Variants in NRXN1 observed in about 807,000 individuals in gnomAD.
The protein encoded by NRXN1 is neurexin-1.
NRXN1 carries 39 observed loss-of-function variants against 150.9 expected under a neutral mutation model. That is an observed-to-expected ratio of 0.26 (90% CI 0.20 to 0.34). NRXN1 has a LOEUF of 0.34. Among genes scored for constraint, NRXN1 ranks in the 10% least tolerant of loss-of-function variants. The pLI, the probability that NRXN1 is intolerant of heterozygous loss-of-function variation, is 1.00. For synonymous variants in NRXN1, 924 were observed against 757.0 expected (o/e 1.22, Z -3.62); for missense variants, 1,815 against 1,949.9 (o/e 0.93, Z 1.30).
At chr2:50,581,564 A>C (rs757211228) in intron 8 of NRXN1, among the ~76,000 whole-genome samples, 6 of 152,232 alleles carry the variant, frequency 3.9e-5, no homozygotes, top group Non-Finnish European at 8.8e-5. Context: ...TTCTTAAACA[A>C]GAGTTTTCTG....
chr2:50,435,170 ATAAC>A (rs1347055576), intron 17 of NRXN1, among the ~76,000 whole-genome samples: 1 of 152,198 alleles, frequency 6.6e-6, no homozygotes, highest in African/African-American at 2.4e-5. Context: ...TGGATGCTGA[ATAAC>A]TAAGAAGATT....
intron 21 of NRXN1, among the ~76,000 whole-genome samples, chr2:49,999,669 G>A (rs1258012753): frequency 6.6e-6 from 1 of 152,076 alleles, no homozygotes; most frequent in African/African-American, 2.4e-5. Context: ...TGTTTTCAGA[G>A]TTCCTGCCTC....
chr2:50,996,985 A>C (rs1045910751), intron 2 of NRXN1, among the ~76,000 whole-genome samples: 7 of 152,006 alleles, frequency 4.6e-5, no homozygotes, highest in African/African-American at 1.2e-4. Flanking sequence ...CGTAAGGAGA[A>C]ATATGAGTCA....
chr2:50,095,342 T>A lies in NRXN1; in HGVS notation c.3547-3848A>T, dbSNP rs961945905. Among the ~76,000 whole-genome samples the A allele has an allele frequency of 2.6e-5, 4 of 152,324 alleles. No individual in the cohort carries two copies. The East Asian group carries it at 7.7e-4, about 29-fold the overall frequency. On this transcript the variant is annotated intron_variant, in intron 18 of 22. Coordinates refer to ENST00000401669, the MANE Select transcript of NRXN1 (RefSeq NM_001330078.2). ...TCCTGTTACACCTTGGGAAGTACTT[T>A]CAACACAACAAGTACAGGAAGATAT...
intron 5 of NRXN1, among the ~76,000 whole-genome samples, chr2:50,722,867 T>G (rs1009054570): frequency 2.0e-5 from 3 of 152,156 alleles, no homozygotes; most frequent in Non-Finnish European, 2.9e-5. Context: ...TAAATCGTCT[T>G]GCCTTGAATT....
chr2:50,286,272 C>A (rs2072154359), intron 17 of NRXN1, among the ~76,000 whole-genome samples: 1 of 152,080 alleles, frequency 6.6e-6, no homozygotes, highest in African/African-American at 2.4e-5. Context: ...TGACCAATAT[C>A]TCCCAAACTC....
intron 8 of NRXN1, among the ~76,000 whole-genome samples, chr2:50,562,488 CT>C (rs1669248396): frequency 6.6e-6 from 1 of 151,772 alleles, no homozygotes. Flanking sequence ...CAATTTTAAG[CT>C]TTGAAAAAAA....
chr2:50,694,252 G>C (rs1025629157), intron 5 of NRXN1, among the ~76,000 whole-genome samples: 15 of 152,128 alleles, frequency 9.9e-5, no homozygotes, highest in Admixed American at 5.2e-4. Context: ...AGAAAGAAAA[G>C]ATTCCAGAAA....
chr2:50,761,855 C>T, intron 5 of NRXN1, among the ~76,000 whole-genome samples: 1 of 151,970 alleles, frequency 6.6e-6, no homozygotes, highest in South Asian at 2.1e-4. Context: ...CCATCTTTCT[C>T]CCATGCTGGA....
chr2:50,518,871 T>G (rs140783836), intron 12 of NRXN1, among the ~76,000 whole-genome samples: 150 of 151,808 alleles, frequency 9.9e-4, no homozygotes, highest in African/African-American at 3.6e-3. Context: ...TTTTGAGATA[T>G]TCTAGTATAA....
intron 12 of NRXN1, among the ~76,000 whole-genome samples, chr2:50,517,301 C>A (rs1012160876): frequency 6.6e-6 from 1 of 152,048 alleles, no homozygotes; most frequent in Non-Finnish European, 1.5e-5. Flanking sequence ...TTTATCTTCT[C>A]CTCAATGAGT....
At chr2:50,149,208 C>A (rs2058553097) in intron 18 of NRXN1, among the ~76,000 whole-genome samples, 1 of 151,644 alleles carries the variant, frequency 6.6e-6, no homozygotes, top group East Asian at 1.9e-4. Flanking sequence ...ACATTGTTCA[C>A]TTTATGGAAT....
chr2:50,145,360 T>C (rs1293378965), intron 18 of NRXN1, among the ~76,000 whole-genome samples: 1 of 151,656 alleles, frequency 6.6e-6, no homozygotes, highest in East Asian at 1.9e-4. Context: ...ATTACATACA[T>C]CATGGCGCTT....
At chr2:50,362,866 C>T (rs989962211) in intron 17 of NRXN1, among the ~76,000 whole-genome samples, 1 of 152,168 alleles carries the variant, frequency 6.6e-6, no homozygotes, top group Non-Finnish European at 1.5e-5. Context: ...GTAACCAAAA[C>T]AGCATGGTAC....
chr2:49,922,085 G>A lies in NRXN1; in HGVS notation c.4383C>T (p.Gly1461=). 6.2e-7 allele frequency: 1 copy of A among 1,614,128 alleles called. No homozygotes were observed. The highest frequency in any genetic ancestry group is 8.5e-7 in the Non-Finnish European group (1 of 1,180,032). ...AMYKYRNRDE[G]SYHVDESRNY... ...TTCGACTCTCGTCCACATGGTATGA[G>A]CCTTCATCCCGGTTTCTGTACTTGT... Residue 1461 remains glycine (G), a synonymous_variant, in exon 23 of 23, where the codon GGC becomes GGT. Coordinates refer to ENST00000401669, the MANE Select transcript of NRXN1 (RefSeq NM_001330078.2).
intron 5 of NRXN1, among the ~76,000 whole-genome samples, chr2:50,883,218 G>C (rs1405068717): frequency 1.3e-5 from 2 of 151,742 alleles, no homozygotes; most frequent in African/African-American, 4.8e-5. Flanking sequence ...ATAATTAAGA[G>C]TAAATCCGAA....
intron 18 of NRXN1, among the ~76,000 whole-genome samples, chr2:50,215,921 G>C (rs1343414959): frequency 6.6e-6 from 1 of 152,052 alleles, no homozygotes; most frequent in African/African-American, 2.4e-5. Flanking sequence ...TTTTTCAGCT[G>C]ATTTCACAAC....
intron 10 of NRXN1, among the ~76,000 whole-genome samples, chr2:50,534,654 G>A (rs537150128): frequency 2.3e-4 from 35 of 152,208 alleles, no homozygotes; most frequent in African/African-American, 7.5e-4. Flanking sequence ...ACAAGCACCC[G>A]AATAAAAGTG....
intron 9 of NRXN1, chr2:50,551,412 A>T (rs955477293): frequency 6.6e-6 from 1 of 152,254 alleles, no homozygotes; most frequent in Non-Finnish European, 1.5e-5. Flanking sequence ...AAAAGGAAGG[A>T]TAAGAGGGAA....
Sources: allele counts gnomAD v4.1 joint callset (sites outside exome capture counted in the v4.1 genomes callset), GRCh38; gene constraint gnomAD v4.1.1; transcripts MANE v1.5; gene names NCBI Gene and HGNC (gene_info 2026-07-23, HGNC 2026-07-21).